ADAMTSL1: variants seen among roughly 807,000 people sequenced by gnomAD.
ADAMTSL1 encodes the protein ADAMTS-like protein 1.
ADAMTSL1 carries 126 observed loss-of-function variants against 201.8 expected under a neutral mutation model. The ratio of observed to expected loss-of-function variants is 0.62; its 90% CI spans 0.54 to 0.72. The LOEUF is 0.72. Ranked by LOEUF, ADAMTSL1 falls within the 30% of genes least tolerant of loss-of-function variation. ADAMTSL1 has a pLI of 0.00. For missense variants in ADAMTSL1, 2,679 were observed against 2,277.8 expected (o/e 1.18, Z -3.59); for synonymous variants, 1,121 against 903.4 (o/e 1.24, Z -4.32).
chr9:18,891,249 C>CTTTGCATGTGAACAAGTGTT (rs1166076576), intron 25 of ADAMTSL1, among the ~76,000 whole-genome samples: 2 of 152,110 alleles, frequency 1.3e-5, no homozygotes, highest in Non-Finnish European at 2.9e-5. Flanking sequence ...TAGTATCCTT[C>CTTTGCATGTGAACAAGTGTT]TTTGCATGTG....
intron 2 of ADAMTSL1, among the ~76,000 whole-genome samples, chr9:18,363,251 T>C (rs1836609203): frequency 6.6e-6 from 1 of 152,228 alleles, no homozygotes; most frequent in Non-Finnish European, 1.5e-5. Context: ...CCAGCTAACC[T>C]ATCAGGCATC....
At chr9:18,602,166 T>G (rs1406585578) in intron 4 of ADAMTSL1, among the ~76,000 whole-genome samples, 1 of 152,232 alleles carries the variant, frequency 6.6e-6, no homozygotes, top group African/African-American at 2.4e-5. Flanking sequence ...GAGTCATTCT[T>G]CTGCTGCCTT....
intron 9 of ADAMTSL1, 77 bp from the exon 10 acceptor site, chr9:18,675,780 G>T: frequency 2.3e-6 from 3 of 1,295,714 alleles, no homozygotes; most frequent in Non-Finnish European, 3.3e-6. Flanking sequence ...TTAAAAATTT[G>T]TATAATGTAA....
chr9:18,565,789 T>C (rs1407842938), intron 3 of ADAMTSL1, among the ~76,000 whole-genome samples: 3 of 152,224 alleles, frequency 2.0e-5, no homozygotes, highest in African/African-American at 7.2e-5. Context: ...GTCTGTTTAA[T>C]TTCATTTTAC....
chr9:18,419,549 C>T (rs1262237104), intron 2 of ADAMTSL1, among the ~76,000 whole-genome samples: 1 of 152,008 alleles, frequency 6.6e-6, no homozygotes, highest in Non-Finnish European at 1.5e-5. Context: ...CACCAAGATA[C>T]CATTCAACAG....
At chr9:18,595,799 T>C (rs1824225221) in intron 4 of ADAMTSL1, among the ~76,000 whole-genome samples, 1 of 152,226 alleles carries the variant, frequency 6.6e-6, no homozygotes, top group Admixed American at 6.5e-5. Context: ...CAAATGCGGC[T>C]GTAGCCAAGC....
At chr9:18,429,266 A>G (rs1398061422) in intron 2 of ADAMTSL1, among the ~76,000 whole-genome samples, 3 of 152,222 alleles carry the variant, frequency 2.0e-5, no homozygotes. Context: ...GTCAATCTGA[A>G]TATGACTTCA....
chr9:18,360,048 T>TTA (rs1836449039), intron 2 of ADAMTSL1, among the ~76,000 whole-genome samples: 1 of 152,088 alleles, frequency 6.6e-6, no homozygotes, highest in Non-Finnish European at 1.5e-5. Flanking sequence ...TGATTAGTGC[T>TTA]CAATATATAG....
chr9:18,649,699 T>C (rs13292958), intron 7 of ADAMTSL1, among the ~76,000 whole-genome samples: 25,773 of 152,088 alleles, frequency 0.17, 2,354 homozygotes, highest in Middle Eastern at 0.23. Context: ...TCTACAGAAC[T>C]GCAGATTTTC....
chr9:18,771,519 G>A (rs537291656), intron 17 of ADAMTSL1, among the ~76,000 whole-genome samples: 4 of 152,104 alleles, frequency 2.6e-5, no homozygotes, highest in Admixed American at 6.5e-5. Flanking sequence ...AGTTGCCTTC[G>A]ACTTCTCCAC....
chr9:17,997,438 A>G lies in ADAMTSL1; in HGVS notation c.87+90516A>G, dbSNP rs1819429314. ...ACACATGTATCATATTAGAAATGAG[A>G]ACATTTGTCACTCCTAAACACTCTA... is the stretch of plus-strand genomic sequence containing the variant. On this transcript the variant is annotated intron_variant, in intron 1 of 29. Coordinates refer to the ADAMTSL1 transcript ENST00000680146. 2.0e-5 allele frequency among the ~76,000 whole-genome samples: 3 copies of G among 152,098 alleles called. No individual in the cohort carries two copies. In the South Asian group the frequency reaches 6.2e-4, roughly 32 times the overall value.
chr9:18,643,920 G>A (rs1827610577), intron 7 of ADAMTSL1, among the ~76,000 whole-genome samples: 1 of 151,798 alleles, frequency 6.6e-6, no homozygotes, highest in Admixed American at 6.6e-5. Flanking sequence ...TGTGAAAAAT[G>A]TCATTGGAAT....
At chr9:18,522,880 GA>G (rs1448580961) in intron 2 of ADAMTSL1, among the ~76,000 whole-genome samples, 2 of 152,086 alleles carry the variant, frequency 1.3e-5, no homozygotes, top group African/African-American at 4.8e-5. Context: ...TTGCTATTGT[GA>G]ATAGTGCCGC....
chr9:18,394,365 A>G (rs952815526), intron 2 of ADAMTSL1, among the ~76,000 whole-genome samples: 1 of 152,180 alleles, frequency 6.6e-6, no homozygotes, highest in African/African-American at 2.4e-5. Context: ...TTTTGGTCCT[A>G]TGCCCCAGGA....
chr9:18,706,257 G>A (rs1462221212), intron 13 of ADAMTSL1, among the ~76,000 whole-genome samples: 1 of 152,164 alleles, frequency 6.6e-6, no homozygotes, highest in East Asian at 1.9e-4. Context: ...ACTGGTGGGA[G>A]TGTCTTTTAG....
At chr9:18,796,950 A>G (rs1234000441) in intron 20 of ADAMTSL1, among the ~76,000 whole-genome samples, 1 of 152,194 alleles carries the variant, frequency 6.6e-6, no homozygotes, top group African/African-American at 2.4e-5. Flanking sequence ...TAATCCAGAT[A>G]TGGTTCAGCT....
chr9:18,260,777 G>C (rs1831888607), intron 2 of ADAMTSL1, among the ~76,000 whole-genome samples: 1 of 152,152 alleles, frequency 6.6e-6, no homozygotes, highest in Non-Finnish European at 1.5e-5. Flanking sequence ...TTGGTGCCAG[G>C]CCACTTACGG....
chr9:18,636,212 C>T (rs145915496), intron 6 of ADAMTSL1, among the ~76,000 whole-genome samples, 195 bp downstream of exon 6: 5 of 152,102 alleles, frequency 3.3e-5, no homozygotes, highest in African/African-American at 9.7e-5. Flanking sequence ...TATCTTTAAC[C>T]ACAGTCATCC....
intron 1 of ADAMTSL1, among the ~76,000 whole-genome samples, chr9:17,937,896 G>A (rs1166981662): frequency 6.6e-6 from 1 of 152,086 alleles, no homozygotes; most frequent in Non-Finnish European, 1.5e-5. Flanking sequence ...TTGTGACATG[G>A]TACACCTGCT....
Sources: gnomAD v4.1 joint callset for allele counts (sites outside exome capture counted in the v4.1 genomes callset) on GRCh38, gnomAD v4.1.1 for gene constraint, MANE v1.5 for transcripts, NCBI Gene and HGNC (gene_info 2026-07-23, HGNC 2026-07-21) for gene names.